ELMO1: variants seen among roughly 807,000 people sequenced by gnomAD.
ELMO1 encodes engulfment and cell motility 1.
A neutral mutation model predicts 98.9 loss-of-function variants in ELMO1; 26 were observed. The observed-to-expected ratio is 0.26, with a 90% CI of 0.19 to 0.36. The LOEUF (loss-of-function observed/expected upper bound fraction) is 0.36. ELMO1 is among the 10% of genes least tolerant of loss of function. The probability of loss-of-function intolerance (pLI) is 1.00; values close to 1 mark genes in which losing one functional copy is unlikely to be tolerated. For synonymous variants in ELMO1, 346 were observed against 346.0 expected, an observed-to-expected ratio of 1.00 and a Z score of 0.00; for missense variants, 627 against 935.2, an observed-to-expected ratio of 0.67 and a Z score of 4.30.
Position 36,870,675 on chromosome 7 carries a change from A to G in ELMO1, c.1823-200T>C, listed in dbSNP as rs1300987115. Among the ~76,000 whole-genome samples the G allele has an allele frequency of 1.3e-5, 2 of 152,324 alleles. No individual in the cohort carries two copies. Among genetic ancestry groups the G allele is most frequent in the East Asian group, 1.9e-4 (1 of 5,192 alleles). The stretch of plus-strand genomic sequence containing the variant: ...ACTAAAATATATCTTATATTCTGGG[A>G]AAAAGCATCCCTGGAGAGAAAGAGC... On this transcript the variant is annotated intron_variant, in intron 19 of 21. Coordinates refer to ENST00000310758, the MANE Select transcript of ELMO1 (RefSeq NM_014800.11). This position sits in a 1 kb window ranked among gnomAD's most constrained non-coding sequence, Gnocchi z 4.4.
intron 5 of ELMO1, among the ~76,000 whole-genome samples, chr7:37,260,936 A>T (rs1405152148): frequency 2.0e-5 from 3 of 152,232 alleles, no homozygotes; most frequent in Non-Finnish European, 2.9e-5. Flanking sequence ...AAATGGATAT[A>T]CAGCATTCAC....
At chr7:37,044,517 C>T (rs937491537) in intron 15 of ELMO1, among the ~76,000 whole-genome samples, 15 of 152,176 alleles carry the variant, frequency 9.9e-5, no homozygotes, top group Admixed American at 6.6e-4. Context: ...TCGCCCAACA[C>T]GGTGTTTGAG....
At chr7:37,007,828 C>G (rs1057051207) in intron 16 of ELMO1, among the ~76,000 whole-genome samples, 5 of 152,154 alleles carry the variant, frequency 3.3e-5, no homozygotes, top group African/African-American at 4.8e-5. Flanking sequence ...ATGTTTCCTT[C>G]TGTCCTGCTC....
At position 36,962,475 on chromosome 7, in the gene ELMO1, G is replaced by A. The variant is rs114761769; in HGVS notation, c.1437+50824C>T. 3.4e-3 allele frequency among the ~76,000 whole-genome samples: 510 copies of A among 152,206 alleles called. 3 individuals carry two copies. Among genetic ancestry groups the A allele is most frequent in the African/African-American group, 0.012 (489 of 41,530 alleles). On this transcript the variant is annotated intron_variant, in intron 16 of 21. Transcript: ENST00000310758. ...CTGAAGAAGTTCCTGTAGTGACCCTGGGTCACTACAGAAAAATACCAGGGA... is the reference window on the plus strand; with the variant it reads ...CTGAAGAAGTTCCTGTAGTGACCCTAGGTCACTACAGAAAAATACCAGGGA...
chr7:37,280,293 C>A (rs1171273813), intron 4 of ELMO1, among the ~76,000 whole-genome samples: 1 of 152,146 alleles, frequency 6.6e-6, no homozygotes, highest in Non-Finnish European at 1.5e-5. Flanking sequence ...TTGGCTTAGA[C>A]AAGGATTTCA....
intron 1 of ELMO1, among the ~76,000 whole-genome samples, chr7:37,428,620 C>T (rs953689505): frequency 2.0e-5 from 3 of 152,186 alleles, no homozygotes; most frequent in Non-Finnish European, 4.4e-5. Context: ...AGAAAGACCC[C>T]TAGGAAATAT....
intron 9 of ELMO1, among the ~76,000 whole-genome samples, chr7:37,222,952 A>G (rs1793677594): frequency 6.6e-6 from 1 of 152,252 alleles, no homozygotes; most frequent in South Asian, 2.1e-4. Flanking sequence ...CTTCTCTCTT[A>G]TTCAGATTAA....
At chr7:37,268,815 G>T (rs1197448102) in intron 5 of ELMO1, among the ~76,000 whole-genome samples, 3 of 152,242 alleles carry the variant, frequency 2.0e-5, no homozygotes, top group Non-Finnish European at 4.4e-5. Context: ...ATCCAGAAGG[G>T]ACTGTTCTGT....
rs909036948 is a variant in ELMO1, at chr7:37,004,134, A to C, written c.1437+9165T>G. Among the ~76,000 whole-genome samples the C allele has an allele frequency of 2.6e-5, 4 of 152,164 alleles. No individual in the cohort carries two copies. In the East Asian group the frequency reaches 7.7e-4, roughly 29 times the overall value. On this transcript the variant is annotated intron_variant, in intron 16 of 21. Transcript: ENST00000310758. ...CCACCTAATGGTACCCTTCTTAGCT[A>C]TCCAACTCTGGTTCCTATCTGCCCT...
intron 16 of ELMO1, among the ~76,000 whole-genome samples, chr7:36,963,404 A>AAATAAATAAAT (rs1562860684): frequency 3.0e-5 from 4 of 135,292 alleles, no homozygotes; most frequent in African/African-American, 9.1e-5. Context: ...AATAAATAAA[A>AAATAAATAAAT]AAATAAATAA....
Position 37,342,510 on chromosome 7 carries a change from G to C in ELMO1, c.78+103C>G. ...ATTATTGCACAGATTTTTCAACACA[G>C]CTAGAGAGAGAAAGGGAGAAGAGTG... On this transcript the variant is annotated intron_variant, in intron 2 of 21. Transcript: ENST00000310758. This position sits in a 1 kb window ranked among gnomAD's most constrained non-coding sequence, Gnocchi z 4.3. The C allele has an allele frequency of 8.4e-7, 1 of 1,192,876 alleles. No homozygotes were observed. The highest frequency in any genetic ancestry group is 2.3e-5 in the East Asian group (1 of 42,892). The allele number at this position is 1,192,876 out of a possible 1,614,324, so 73.9% of individuals were successfully genotyped here.
rs191651219 is a variant in ELMO1 at position 37,156,306 on chromosome 7, A to T, written c.1087-23072T>A. ...ACTTCAAAAGCTAGCAGAAGACAACAAATAACTAAGGTCAGAGCAGAACTG... is the reference window on the plus strand; with the variant it reads ...ACTTCAAAAGCTAGCAGAAGACAACTAATAACTAAGGTCAGAGCAGAACTG... On this transcript the variant is annotated intron_variant, in intron 13 of 21. Coordinates refer to ENST00000310758, the MANE Select transcript of ELMO1 (RefSeq NM_014800.11). 1.6e-4 allele frequency among the ~76,000 whole-genome samples: 24 copies of T among 152,334 alleles called. No individual in the cohort carries two copies. In the East Asian group the frequency reaches 3.9e-3, roughly 24 times the overall value.
intron 15 of ELMO1, among the ~76,000 whole-genome samples, chr7:37,044,162 A>C (rs1386163037): frequency 6.6e-6 from 1 of 152,192 alleles, no homozygotes. Flanking sequence ...AGGTGTGAAA[A>C]TGCTCAATGA....
intron 1 of ELMO1, among the ~76,000 whole-genome samples, chr7:37,383,970 C>T (rs756582583): frequency 1.3e-5 from 2 of 152,148 alleles, no homozygotes; most frequent in African/African-American, 4.8e-5. Flanking sequence ...CGCCCGCCAC[C>T]GCGCCCGGCT....
chr7:37,388,740 T>G (rs1802931701), intron 1 of ELMO1, among the ~76,000 whole-genome samples: 1 of 151,806 alleles, frequency 6.6e-6, no homozygotes, highest in African/African-American at 2.4e-5. Flanking sequence ...GAGATAGAGG[T>G]TACAGTGAAC....
At chr7:36,896,546 T>C (rs1806012828) in intron 16 of ELMO1, among the ~76,000 whole-genome samples, 1 of 152,236 alleles carries the variant, frequency 6.6e-6, no homozygotes, top group South Asian at 2.1e-4. Flanking sequence ...AACACCACTG[T>C]GTATTAGCTG....
intron 2 of ELMO1, among the ~76,000 whole-genome samples, chr7:37,338,506 G>C (rs979638587): frequency 3.1e-4 from 47 of 152,118 alleles, no homozygotes; most frequent in African/African-American, 1.1e-3. Context: ...AATTTCTGTT[G>C]TTCATAAATT....
At chr7:37,373,076 A>G (rs1471892411) in intron 1 of ELMO1, among the ~76,000 whole-genome samples, 3 of 152,200 alleles carry the variant, frequency 2.0e-5, no homozygotes, top group Admixed American at 2.0e-4. Flanking sequence ...TCTGTCTGAA[A>G]TCCTGTCCCA....
chr7:37,434,228 T>A (rs1805050523), intron 1 of ELMO1, among the ~76,000 whole-genome samples: 1 of 152,138 alleles, frequency 6.6e-6, no homozygotes, highest in Admixed American at 6.5e-5. Flanking sequence ...TTTATAATTT[T>A]TTTTAGTCAC....
Sources: gnomAD v4.1 joint callset for allele counts (sites outside exome capture counted in the v4.1 genomes callset) on GRCh38, gnomAD v4.1.1 for gene constraint, Gnocchi (gnomAD v3.1) non-coding constraint, MANE v1.5 for transcripts, NCBI Gene and HGNC (gene_info 2026-07-23, HGNC 2026-07-21) for gene names.